FAM117B: variants seen among roughly 807,000 people sequenced by gnomAD.
FAM117B encodes the protein protein FAM117B.
A neutral mutation model predicts 52.8 loss-of-function variants in FAM117B; 22 were observed. The ratio of observed to expected loss-of-function variants is 0.42; its 90% confidence interval spans 0.30 to 0.59. The LOEUF is 0.59. Among genes scored for constraint, FAM117B ranks in the 20% least tolerant of loss-of-function variants. The probability of loss-of-function intolerance (pLI) is 0.22; values close to 1 mark genes in which losing one functional copy is unlikely to be tolerated. For synonymous variants in FAM117B, 309 were observed against 324.1 expected (o/e 0.95, Z 0.50); for missense variants, 678 against 802.6 (o/e 0.84, Z 1.88).
At chr2:202,744,976 C>CA (rs58898446) in intron 4 of FAM117B, among the ~76,000 whole-genome samples, 1,076 of 58,498 alleles carry the variant, frequency 0.018, 3 homozygotes, top group East Asian at 0.031. Context: ...GACTCTGTCT[C>CA]AAAAAAAAAA....
chr2:202,710,532 C>G (rs965989147), intron 2 of FAM117B, among the ~76,000 whole-genome samples: 1 of 151,964 alleles, frequency 6.6e-6, no homozygotes, highest in Non-Finnish European at 1.5e-5. Flanking sequence ...TATCTATCAC[C>G]TCAAGCATTT....
intron 4 of FAM117B, among the ~76,000 whole-genome samples, chr2:202,731,342 T>TATATATATATATAC (rs1181290736): frequency 8.3e-6 from 1 of 120,578 alleles, no homozygotes; most frequent in Admixed American, 8.5e-5. Context: ...AATATATATA[T>TATATATATATATAC]ATATATATAT....
intron 2 of FAM117B, among the ~76,000 whole-genome samples, chr2:202,699,785 T>C (rs1308571719): frequency 1.3e-5 from 2 of 152,190 alleles, no homozygotes; most frequent in South Asian, 2.1e-4. Context: ...TTCGCAGATA[T>C]TGTGTTTTTT....
Position 202,765,553 on chromosome 2 carries a change from C to T in FAM117B, c.1559C>T (p.Pro520Leu). 6.2e-7 allele frequency: 1 copy of T among 1,614,136 alleles called. No individual in the cohort carries two copies. Among genetic ancestry groups the T allele is most frequent in the Non-Finnish European group, 8.5e-7 (1 of 1,180,036 alleles). Residue 520 changes from proline (P) to leucine (L), a missense_variant, in exon 8 of 8, where the codon CCA (proline) becomes CTA (leucine). Physicochemically the swap from Pro to Leu is moderately conservative, Grantham distance 98 (BLOSUM62 -3). Around this residue, in one of 3 missense-constraint regions of FAM117B, gnomAD observed 27 missense variants for 77.3 expected, o/e 0.35. Transcript: ENST00000392238. ...SAFCLVSILK[P>L]LLPTPDLTLK... is the part of the protein sequence containing the mutation. Reference sequence around the variant, plus strand: ...TTCTGCCTCGTCAGCATCCTCAAGCCACTCCTTCCTACCCCGGATCTTACA... The same window carrying T: ...TTCTGCCTCGTCAGCATCCTCAAGCTACTCCTTCCTACCCCGGATCTTACA...
At chr2:202,696,119 A>C in intron 2 of FAM117B, 87 bp downstream of exon 2, 1 of 1,389,140 alleles carries the variant, frequency 7.2e-7, no homozygotes. Flanking sequence ...AGTAGAACAA[A>C]CATTTAGTGT....
At chr2:202,754,569 T>G (rs1691771953) in intron 4 of FAM117B, among the ~76,000 whole-genome samples, 1 of 152,018 alleles carries the variant, frequency 6.6e-6, no homozygotes, top group African/African-American at 2.4e-5. Flanking sequence ...CATGTTGCTG[T>G]AAATACCTGA....
chr2:202,720,604 C>CT lies in FAM117B; in HGVS notation c.754-4301dup, dbSNP rs200581712. ...TTATGTTAAAATTTCCCCAATATGT[C>CT]TTTTTTTTTTTTAATGACCCAATTC... On this transcript the variant is annotated intron_variant, in intron 2 of 7. Coordinates refer to ENST00000392238, the MANE Select transcript of FAM117B (RefSeq NM_173511.4). 6.1e-3 allele frequency among the ~76,000 whole-genome samples: 879 copies of CT among 144,742 alleles called. 7 individuals carry two copies. Among genetic ancestry groups the CT allele is most frequent in the African/African-American group, 0.018 (726 of 39,304 alleles). 95.0% of individuals were successfully genotyped at this position (144,742 alleles called of 152,430 possible). A position where few individuals can be genotyped will look rare whatever the true frequency, so the allele number is the denominator to read the frequency against.
Position 202,702,249 on chromosome 2 carries a change from G to A in FAM117B, c.753+6217G>A, listed in dbSNP as rs550655904. 1.2e-3 allele frequency among the ~76,000 whole-genome samples: 177 copies of A among 152,008 alleles called. 2 individuals are homozygous for A. In the Middle Eastern group the frequency reaches 0.037, roughly 32 times the overall value. ...ATATTAAAAATACAAAATTTAGTGG[G>A]GCATGGTGGTGTGCACCTGTAATCC... On this transcript the variant is annotated intron_variant, in intron 2 of 7. Coordinates refer to ENST00000392238, the MANE Select transcript of FAM117B (RefSeq NM_173511.4).
Position 202,702,804 on chromosome 2 carries a change from C to T in FAM117B, c.753+6772C>T, listed in dbSNP as rs573440290. On this transcript the variant is annotated intron_variant, in intron 2 of 7. Coordinates refer to ENST00000392238, the MANE Select transcript of FAM117B (RefSeq NM_173511.4). Reference sequence around the variant, plus strand: ...TCCTGACCTCGTGATCCATCTGCCTCGGCCTCCCAAAGTGCTGGGATTACA... The same window carrying T: ...TCCTGACCTCGTGATCCATCTGCCTTGGCCTCCCAAAGTGCTGGGATTACA... Among the ~76,000 whole-genome samples the T allele has an allele frequency of 2.2e-3, 335 of 152,282 alleles. 1 individual carries two copies. The highest frequency in any genetic ancestry group is 7.5e-3 in the African/African-American group (313 of 41,554).
At chr2:202,710,007 A>G (rs1690934205) in intron 2 of FAM117B, among the ~76,000 whole-genome samples, 1 of 152,202 alleles carries the variant, frequency 6.6e-6, no homozygotes, top group Non-Finnish European at 1.5e-5. Flanking sequence ...TTATGCCAGT[A>G]CTATATTATT....
chr2:202,757,490 G>A (rs1368129468), intron 6 of FAM117B, 52 bp downstream of exon 6: 1 of 1,521,114 alleles, frequency 6.6e-7, no homozygotes, highest in Admixed American at 1.7e-5. Context: ...ACCTCCTCTT[G>A]TATCATTCAT....
At chr2:202,685,607 G>A (rs537249141) in intron 1 of FAM117B, among the ~76,000 whole-genome samples, 1 of 152,196 alleles carries the variant, frequency 6.6e-6, no homozygotes, top group Non-Finnish European at 1.5e-5. Context: ...CAGAGGTACA[G>A]ATAAATGGAA....
At chr2:202,679,723 A>G (rs1690434669) in intron 1 of FAM117B, among the ~76,000 whole-genome samples, 1 of 152,210 alleles carries the variant, frequency 6.6e-6, no homozygotes, top group African/African-American at 2.4e-5. Flanking sequence ...CAAGTTGATG[A>G]ACAGGTTACT....
chr2:202,741,309 A>G (rs1488121829), intron 4 of FAM117B, among the ~76,000 whole-genome samples: 1 of 148,722 alleles, frequency 6.7e-6, no homozygotes, highest in Non-Finnish European at 1.5e-5. Context: ...AGTCCCAGCT[A>G]CTCAGGAGTC....
chr2:202,739,164 G>A (rs1691485104), intron 4 of FAM117B, among the ~76,000 whole-genome samples: 1 of 152,158 alleles, frequency 6.6e-6, no homozygotes, highest in Non-Finnish European at 1.5e-5. Flanking sequence ...ACTCCAGCCT[G>A]GATGACAGAG....
rs767092756 is a variant in FAM117B, at chr2:202,757,213, C to T, written c.1105C>T (p.Pro369Ser). 1.2e-6 allele frequency: 2 copies of T among 1,613,622 alleles called. No homozygotes were observed. The highest frequency in any genetic ancestry group is 1.7e-6 in the Non-Finnish European group (2 of 1,179,700). ...ETGEKEEQLI[P>S]QDIPDGHRAP... Reference sequence around the variant, plus strand: ...CTATGTTTTTACAATTTTGTAACAGCCGCAAGATATTCCAGATGGCCATCG... The same window carrying T: ...CTATGTTTTTACAATTTTGTAACAGTCGCAAGATATTCCAGATGGCCATCG... Residue 369 changes from proline to serine, a missense_variant and splice_region_variant, in exon 6 of 8, where the codon CCG (proline) becomes TCG (serine). Physicochemically the swap from Pro to Ser is moderately conservative, Grantham distance 74 (BLOSUM62 -1). This residue lies in a region of FAM117B where 583 missense variants were observed against 644.8 expected (regional missense o/e 0.90). Transcript: ENST00000392238.
chr2:202,640,396 G>A (rs940098786), intron 1 of FAM117B, among the ~76,000 whole-genome samples: 19 of 141,066 alleles, frequency 1.3e-4, no homozygotes, highest in African/African-American at 3.2e-4. Context: ...ATTAAGTTGT[G>A]TATAAATTCG....
chr2:202,689,410 T>C (rs1358583458), intron 1 of FAM117B, among the ~76,000 whole-genome samples: 1 of 152,108 alleles, frequency 6.6e-6, no homozygotes, highest in Non-Finnish European at 1.5e-5. Flanking sequence ...GCCACTGCAC[T>C]CCAGCCTGGG....
chr2:202,732,415 T>G (rs756823589), intron 4 of FAM117B, among the ~76,000 whole-genome samples: 1 of 152,130 alleles, frequency 6.6e-6, no homozygotes, highest in Non-Finnish European at 1.5e-5. Context: ...CCAATGTCTA[T>G]CAGCTGATAA....
Sources: allele counts gnomAD v4.1 joint callset (sites outside exome capture counted in the v4.1 genomes callset), GRCh38; gene constraint gnomAD v4.1.1; regional missense constraint gnomAD v4.1.1; transcripts MANE v1.5; gene names NCBI Gene and HGNC (gene_info 2026-07-23, HGNC 2026-07-21).